Variants in AGBL3 observed in about 807,000 individuals in gnomAD.
The protein encoded by AGBL3 is cytosolic carboxypeptidase 3.
AGBL3 carries 68 observed loss-of-function variants against 94.5 expected under a neutral mutation model. The observed-to-expected ratio is 0.72, with a 90% CI of 0.59 to 0.88. The LOEUF (loss-of-function observed/expected upper bound fraction) is 0.88. Ranked by LOEUF, AGBL3 falls within the 40% of genes least tolerant of loss-of-function variation. The pLI, the probability that AGBL3 is intolerant of heterozygous loss-of-function variation, is 0.00. For synonymous variants in AGBL3, 354 were observed against 370.7 expected, an observed-to-expected ratio of 0.95 and a Z score of 0.52; for missense variants, 934 against 1,103.8, an observed-to-expected ratio of 0.85 and a Z score of 2.18.
At chr7:135,109,880 T>C (rs1218840177) in intron 15 of AGBL3, among the ~76,000 whole-genome samples, 2 of 152,266 alleles carry the variant, frequency 1.3e-5, no homozygotes, top group African/African-American at 4.8e-5. Flanking sequence ...GCCCATCCTT[T>C]CTCGTGGAAG....
rs535861344 is a variant in AGBL3 at position 135,126,535 on chromosome 7, C to T, written c.2343-8306C>T. On this transcript the variant is annotated intron_variant, in intron 16 of 16. Coordinates refer to ENST00000436302, the MANE Select transcript of AGBL3 (RefSeq NM_178563.4). ...ACATTCTTCACAGATTTAGAAAAAA[C>T]TACTTTAAATTTCATATGGAATCAA... is the stretch of plus-strand genomic sequence containing the variant. Among the ~76,000 whole-genome samples, 21 of 152,308 alleles carry T rather than the reference C, an allele frequency of 1.4e-4. No homozygotes were observed. In the East Asian group the frequency reaches 3.9e-3, roughly 28 times the overall value.
intron 4 of AGBL3, among the ~76,000 whole-genome samples, chr7:135,014,626 AT>A (rs1021859309): frequency 2.0e-5 from 3 of 151,356 alleles, no homozygotes; most frequent in African/African-American, 2.4e-5. Flanking sequence ...ATAGAAGTTT[AT>A]TTTTTTTTCT....
intron 3 of AGBL3, 79 bp downstream of exon 3, chr7:134,989,389 C>A: frequency 1.0e-6 from 1 of 976,754 alleles, no homozygotes; most frequent in South Asian, 1.6e-5. Flanking sequence ...ACTAAAAAGT[C>A]AGATTGAATA....
intron 4 of AGBL3, among the ~76,000 whole-genome samples, chr7:134,998,312 T>G (rs776634595): frequency 9.2e-5 from 14 of 152,218 alleles, no homozygotes; most frequent in Non-Finnish European, 1.8e-4. Context: ...AGAGTAAGGC[T>G]AGTCTTAGAA....
chr7:135,078,649 G>A lies in AGBL3; in HGVS notation c.1981-1554G>A, dbSNP rs79441152. ...TTATATTAAATGCTCATGTATTTGC[G>A]TCTTTCTTGATTGGAGCTTTTAAAA... On this transcript the variant is annotated intron_variant, in intron 13 of 16. Transcript: ENST00000436302. Among the ~76,000 whole-genome samples, 41 of 152,046 alleles carry A rather than the reference G, an allele frequency of 2.7e-4. 1 individual carries two copies. In the East Asian group the frequency reaches 6.8e-3, roughly 25 times the overall value.
chr7:135,049,712 A>G (rs1817700771), intron 11 of AGBL3, among the ~76,000 whole-genome samples: 1 of 151,876 alleles, frequency 6.6e-6, no homozygotes, highest in African/African-American at 2.4e-5. Flanking sequence ...ACCACTGTTC[A>G]TAACAGTCTC....
intron 4 of AGBL3, among the ~76,000 whole-genome samples, chr7:135,000,873 G>A (rs1455886885): frequency 6.6e-6 from 1 of 152,156 alleles, no homozygotes; most frequent in Non-Finnish European, 1.5e-5. Flanking sequence ...CTACTGTAGA[G>A]AAAATGTGTC....
Position 134,993,503 on chromosome 7 carries a change from T to G in AGBL3, c.135T>G (p.Phe45Leu), listed in dbSNP as rs764409851. The stretch of plus-strand genomic sequence containing the variant: ...GAATCTTTTTCTCAGCTGACTCTTT[T>G]GGTGATCCCTTCTTCCCCCGGACTA... ...HRCALLTADS[F>L]GDPFFPRTTQ... The change falls in exon 4 of 17, where the codon TTT becomes TTG. Residue 45 changes from phenylalanine (F) to leucine (L), a missense_variant. Around this residue, in one of 3 missense-constraint regions of AGBL3, gnomAD observed 488 missense variants for 563.6 expected, o/e 0.87. Transcript: ENST00000436302. 7 of 1,546,620 alleles carry G rather than the reference T, an allele frequency of 4.5e-6. No individual in the cohort carries two copies. Among genetic ancestry groups the G allele is most frequent in the Non-Finnish European group, 6.1e-6 (7 of 1,145,042 alleles).
intron 4 of AGBL3, among the ~76,000 whole-genome samples, chr7:135,005,264 A>G (rs1165209606): frequency 6.6e-6 from 1 of 151,790 alleles, no homozygotes; most frequent in Non-Finnish European, 1.5e-5. Flanking sequence ...AAAAGATGAA[A>G]TTCACAACTC....
At chr7:135,108,656 C>G (rs559235072) in intron 15 of AGBL3, among the ~76,000 whole-genome samples, 2 of 152,238 alleles carry the variant, frequency 1.3e-5, no homozygotes, top group South Asian at 4.1e-4. Context: ...CTTGGAAAAT[C>G]TGATGTTTAT....
chr7:135,118,363 G>A (rs1369058547), intron 16 of AGBL3, among the ~76,000 whole-genome samples: 2 of 152,032 alleles, frequency 1.3e-5, no homozygotes, highest in African/African-American at 4.8e-5. Flanking sequence ...TTGTCACCTA[G>A]ACCCCACCCC....
At chr7:135,043,175 T>C (rs890999802) in intron 8 of AGBL3, among the ~76,000 whole-genome samples, 3 of 152,122 alleles carry the variant, frequency 2.0e-5, no homozygotes, top group Non-Finnish European at 4.4e-5. Flanking sequence ...CATCAAGAAT[T>C]AATCAACTTT....
chr7:135,109,389 C>T (rs1220680114), intron 15 of AGBL3, among the ~76,000 whole-genome samples: 4 of 151,722 alleles, frequency 2.6e-5, no homozygotes, highest in Admixed American at 1.3e-4. Context: ...GCTATTGGCT[C>T]GATAGCCCCA....
intron 12 of AGBL3, 113 bp from the exon 13 acceptor site, chr7:135,076,282 AAT>A (rs1820441960): frequency 1.1e-5 from 9 of 804,600 alleles, no homozygotes; most frequent in Non-Finnish European, 1.8e-5. Flanking sequence ...TAGTGGGAGG[AAT>A]AAAGTACTTC....
At chr7:135,116,828 T>C (rs1003814171) in intron 16 of AGBL3, among the ~76,000 whole-genome samples, 1 of 152,178 alleles carries the variant, frequency 6.6e-6, no homozygotes, top group African/African-American at 2.4e-5. Flanking sequence ...TCTATATCAG[T>C]AGGCTGTCCC....
intron 12 of AGBL3, among the ~76,000 whole-genome samples, chr7:135,066,364 A>G (rs1214814599): frequency 6.6e-6 from 1 of 152,220 alleles, no homozygotes; most frequent in Non-Finnish European, 1.5e-5. Context: ...ATGGCCAACA[A>G]TTATATGAAA....
rs144310396 is a variant in AGBL3 at position 135,135,649 on chromosome 7, A to G, written c.*388A>G. ...TCCCTACTAGACACTTTAATCAATT[A>G]GTCAACAAACATCATTTCCTGATTT... On this transcript the variant is annotated 3_prime_UTR_variant, in exon 17 of 17. Coordinates refer to ENST00000436302, the MANE Select transcript of AGBL3 (RefSeq NM_178563.4). 1,258 of 156,938 alleles carry G rather than the reference A, an allele frequency of 8.0e-3. 11 individuals are homozygous for G. Among genetic ancestry groups the G allele is most frequent in the Admixed American group, 0.013 (205 of 15,710 alleles). The allele number at this position is 156,938 out of a possible 1,614,324, so 9.7% of individuals were successfully genotyped here.
chr7:135,008,377 T>C (rs1024536049), intron 4 of AGBL3, among the ~76,000 whole-genome samples: 4 of 152,104 alleles, frequency 2.6e-5, no homozygotes, highest in African/African-American at 4.8e-5. Flanking sequence ...GACTATTCAA[T>C]AGGAAGAGCA....
chr7:135,001,312 C>T (rs1180093524), intron 4 of AGBL3, among the ~76,000 whole-genome samples: 1 of 152,130 alleles, frequency 6.6e-6, no homozygotes, highest in Non-Finnish European at 1.5e-5. Context: ...AAAGCTTGTT[C>T]TCCACCCCCT....
Sources: allele counts gnomAD v4.1 joint callset (sites outside exome capture counted in the v4.1 genomes callset), GRCh38; gene constraint gnomAD v4.1.1; regional missense constraint gnomAD v4.1.1; transcripts MANE v1.5; gene names NCBI Gene and HGNC (gene_info 2026-07-23, HGNC 2026-07-21).